TMEM268: variants seen among roughly 807,000 people sequenced by gnomAD.
TMEM268 encodes the protein transmembrane protein 268.
In TMEM268, 24 loss-of-function variants were observed where a neutral mutation model predicts 39.1. That is an observed-to-expected ratio of 0.61 (90% CI 0.44 to 0.86). The LOEUF (loss-of-function observed/expected upper bound fraction) is 0.86. Among genes scored for constraint, TMEM268 ranks in the 40% least tolerant of loss-of-function variants. The pLI is 0.00. For synonymous variants in TMEM268, 176 were observed against 173.5 expected (o/e 1.01, Z -0.12); for missense variants, 409 against 428.6 (o/e 0.95, Z 0.40).
intron 2 of TMEM268, chr9:114,622,306 C>T (rs886968778): frequency 9.1e-6 from 9 of 985,318 alleles, no homozygotes; most frequent in Non-Finnish European, 1.1e-5. Flanking sequence ...TAAGCAGCCG[C>T]CATAGAGAAT....
chr9:114,631,291 A>AAG (rs1554758599), intron 5 of TMEM268, among the ~76,000 whole-genome samples: 3 of 23,292 alleles, frequency 1.3e-4, no homozygotes, highest in African/African-American at 3.0e-4. Context: ...TCAAAAAAAA[A>AAG]AAAAAAAAAA....
chr9:114,628,117 T>C lies in TMEM268; in HGVS notation c.341T>C (p.Val114Ala). The part of the protein sequence containing the change: ...LAFAVVFYVV[V>A]WANIYSTSQM... ...ATCTTGCAGGTTTTCTATGTGGTGG[T>C]GTGGGCCAATATCTACTCTACCAGT... The change falls in exon 5 of 9, where the codon GTG (valine) becomes GCG (alanine). Residue 114 changes from valine (V) to alanine (A), a missense_variant. Transcript: ENST00000288502. 6.2e-7 allele frequency: 1 copy of C among 1,613,962 alleles called. No individual in the cohort carries two copies. Among genetic ancestry groups the C allele is most frequent in the Non-Finnish European group, 8.5e-7 (1 of 1,179,860 alleles).
upstream of TMEM268, among the ~76,000 whole-genome samples, chr9:114,609,549 G>A (rs1399792015): frequency 6.6e-6 from 1 of 151,646 alleles, no homozygotes. Flanking sequence ...GCCGGGAGTG[G>A]TGGCATGCAC....
rs1589350357 is a variant in TMEM268 at position 114,631,962 on chromosome 9, G to A, written c.475-1806G>A. Among the ~76,000 whole-genome samples, 3 of 152,076 alleles carry A rather than the reference G, an allele frequency of 2.0e-5. No individual in the cohort carries two copies. The South Asian group carries it at 6.2e-4, about 32-fold the overall frequency. Reference sequence around the variant, plus strand: ...CAAAAAATTTAAAAGTTAGCTGAGTGTGGTGGCATGCATGTGTGGTCCCAG... The same window carrying A: ...CAAAAAATTTAAAAGTTAGCTGAGTATGGTGGCATGCATGTGTGGTCCCAG... On this transcript the variant is annotated intron_variant, in intron 5 of 8. Coordinates refer to ENST00000288502, the MANE Select transcript of TMEM268 (RefSeq NM_153045.4).
chr9:114,620,837 TG>T (rs1360382541), intron 2 of TMEM268, among the ~76,000 whole-genome samples: 1 of 152,088 alleles, frequency 6.6e-6, no homozygotes, highest in Admixed American at 6.5e-5. Context: ...ACCATGTTAG[TG>T]AGAGGCCGAG....
At chr9:114,635,268 G>A (rs1248661084) in intron 6 of TMEM268, among the ~76,000 whole-genome samples, 1 of 151,804 alleles carries the variant, frequency 6.6e-6, no homozygotes, top group Non-Finnish European at 1.5e-5. Context: ...ACTTGAACCC[G>A]GGAGGCAGAG....
rs1479218016 is a variant in TMEM268, at chr9:114,633,789, A to G, written c.496A>G (p.Arg166Gly). Reference protein sequence around the residue: ...QKKANTNTDLRLAAANGALLR... With the variant: ...QKKANTNTDLGLAAANGALLR... Reference sequence around the variant, plus strand: ...ACAGGCCAACACCAACACGGACCTGAGGCTGGCAGCTGCCAATGGAGCCCT... The same window carrying G: ...ACAGGCCAACACCAACACGGACCTGGGGCTGGCAGCTGCCAATGGAGCCCT... The change falls in exon 6 of 9, where the codon AGG (arginine) becomes GGG (glycine). Residue 166 changes from arginine to glycine, a missense_variant. Coordinates refer to ENST00000288502, the MANE Select transcript of TMEM268 (RefSeq NM_153045.4). 3 of 1,599,936 alleles carry G rather than the reference A, an allele frequency of 1.9e-6. No individual in the cohort carries two copies.
chr9:114,644,185 G>C lies in TMEM268; in HGVS notation c.*872G>C, dbSNP rs1423683029. On this transcript the variant is annotated 3_prime_UTR_variant, in exon 9 of 9. Transcript: ENST00000288502. ...TTCCAAGTGATCTGCTCCTGAACAAGTTTGAAGACCTATTGTTTCATAGAC... is the reference window on the plus strand; with the variant it reads ...TTCCAAGTGATCTGCTCCTGAACAACTTTGAAGACCTATTGTTTCATAGAC... The C allele has an allele frequency of 6.6e-6, 1 of 152,342 alleles. No individual in the cohort carries two copies. Among genetic ancestry groups the C allele is most frequent in the African/African-American group, 2.4e-5 (1 of 41,450 alleles). The allele number at this position is 152,342 out of a possible 1,614,324, so 9.4% of individuals were successfully genotyped here.
At chr9:114,625,802 AT>A (rs1016483575) in intron 3 of TMEM268, among the ~76,000 whole-genome samples, 8 of 150,330 alleles carry the variant, frequency 5.3e-5, no homozygotes, top group Middle Eastern at 7.0e-3. Flanking sequence ...CCTAAATATA[AT>A]TTTTTTCAAT....
At chr9:114,622,114 T>C (rs1845970001) in intron 2 of TMEM268, 1 of 985,224 alleles carries the variant, frequency 1.0e-6, no homozygotes, top group Non-Finnish European at 1.2e-6. Context: ...CAGGGCTTGG[T>C]GATACATTGG....
chr9:114,633,497 G>A (rs778859530), intron 5 of TMEM268, among the ~76,000 whole-genome samples: 7 of 151,900 alleles, frequency 4.6e-5, no homozygotes, highest in Admixed American at 3.3e-4. Context: ...TTATAGAGAC[G>A]GCATCTCGCT....
chr9:114,627,338 A>G (rs1310914922), intron 4 of TMEM268, among the ~76,000 whole-genome samples: 1 of 152,240 alleles, frequency 6.6e-6, no homozygotes, highest in African/African-American at 2.4e-5. Flanking sequence ...TGGTTTCCCC[A>G]TCTGCTCAAC....
At chr9:114,639,748 G>A (rs528993206) in intron 8 of TMEM268, among the ~76,000 whole-genome samples, 3 of 150,842 alleles carry the variant, frequency 2.0e-5, no homozygotes, top group East Asian at 2.0e-4. Context: ...AGGAACATGC[G>A]GTGGCTCGTG....
At chr9:114,628,684 C>T (rs1478479826) in intron 5 of TMEM268, among the ~76,000 whole-genome samples, 1 of 152,078 alleles carries the variant, frequency 6.6e-6, no homozygotes. Flanking sequence ...GGGCAGATGC[C>T]GACCTGGTGC....
At chr9:114,627,074 G>A (rs938248666) in intron 4 of TMEM268, 68 bp downstream of exon 4, 43 of 1,159,972 alleles carry the variant, frequency 3.7e-5, no homozygotes, top group Admixed American at 1.4e-4. Flanking sequence ...ATTCAGCACC[G>A]TGTCTTGGAG....
At chr9:114,630,725 G>GT (rs1441016648) in intron 5 of TMEM268, among the ~76,000 whole-genome samples, 1 of 152,176 alleles carries the variant, frequency 6.6e-6, no homozygotes, top group African/African-American at 2.4e-5. Context: ...TAAATGCTTT[G>GT]TAAGTATTAA....
intron 6 of TMEM268, among the ~76,000 whole-genome samples, chr9:114,635,336 C>T (rs748699466): frequency 6.8e-6 from 1 of 146,370 alleles, no homozygotes; most frequent in Non-Finnish European, 1.5e-5. Context: ...GGCAACAGAG[C>T]GAGACTCCAT....
intron 2 of TMEM268, among the ~76,000 whole-genome samples, chr9:114,619,211 C>T (rs1175363868): frequency 6.6e-6 from 1 of 152,172 alleles, no homozygotes; most frequent in African/African-American, 2.4e-5. Flanking sequence ...ACTTTGAAGA[C>T]ATTGCTTCAC....
Position 114,628,518 on chromosome 9 carries a change from G to A in TMEM268, c.474+268G>A, listed in dbSNP as rs367729543. On this transcript the variant is annotated intron_variant, in intron 5 of 8. Transcript: ENST00000288502. ...AGCAGTAATTGCCCGTATCCTGACA[G>A]TACTTTAGTTAACTGAGCCCTCTCA... is the stretch of plus-strand genomic sequence containing the variant. 1.1e-3 allele frequency among the ~76,000 whole-genome samples: 165 copies of A among 152,316 alleles called. 1 individual carries two copies. The highest frequency in any genetic ancestry group is 3.9e-3 in the African/African-American group (160 of 41,554).
Sources: allele counts gnomAD v4.1 joint callset (sites outside exome capture counted in the v4.1 genomes callset), GRCh38; gene constraint gnomAD v4.1.1; transcripts MANE v1.5; gene names NCBI Gene and HGNC (gene_info 2026-07-23, HGNC 2026-07-21).